The following GTF3A variants were observed in gnomAD, a reference collection of about 807,000 sequenced individuals.
GTF3A encodes general transcription factor IIIA.
A neutral mutation model predicts 37.6 loss-of-function variants in GTF3A; 40 were observed. That is an observed-to-expected ratio of 1.06 (90% CI 0.83 to 1.38). GTF3A has a LOEUF of 1.38. GTF3A is among the 40% of genes most tolerant of loss of function. The pLI is 0.00. For missense variants in GTF3A, 500 were observed against 462.6 expected (o/e 1.08, Z -0.74); for synonymous variants, 191 against 166.7 (o/e 1.15, Z -1.12).
intron 4 of GTF3A, among the ~76,000 whole-genome samples, chr13:27,430,965 G>T (rs1953652190): frequency 6.6e-6 from 1 of 152,138 alleles, no homozygotes; most frequent in African/African-American, 2.4e-5. Context: ...TGTTGCATTT[G>T]CTTTCAGGGC....
intron 1 of GTF3A, among the ~76,000 whole-genome samples, chr13:27,426,678 T>G (rs1444896857): frequency 2.0e-5 from 3 of 152,214 alleles, no homozygotes; most frequent in African/African-American, 7.2e-5. Context: ...TTGTCTGGGA[T>G]GAGACAGGCC....
chr13:27,424,691 C>T lies in GTF3A; in HGVS notation c.-47C>T, dbSNP rs1381653159. 7 of 1,309,870 alleles carry T rather than the reference C, an allele frequency of 5.3e-6. No individual in the cohort carries two copies. The highest frequency in any genetic ancestry group is 3.6e-5 in the South Asian group (2 of 56,270). 81.1% of individuals were successfully genotyped at this position (1,309,870 alleles called of 1,614,324 possible). On this transcript the variant is annotated 5_prime_UTR_variant, in exon 1 of 9. Coordinates refer to ENST00000381140, the MANE Select transcript of GTF3A (RefSeq NM_002097.3). The stretch of plus-strand genomic sequence containing the variant: ...GCGCGCCGGTTCCCGGCACGTGTCT[C>T]GGCACGTGGCAGCGCGCCTGGCCCT...
chr13:27,435,588 C>T lies in GTF3A; in HGVS notation c.1089C>T (p.Thr363=), dbSNP rs373979050. 6.2e-7 allele frequency: 1 copy of T among 1,613,624 alleles called. No homozygotes were observed. The highest frequency in any genetic ancestry group is 1.3e-5 in the African/African-American group (1 of 75,046). ...TGCTCTCGACAGTTGCAGTACTTAC[C>T]CTTGGCTAAGAACTGCACTGCTTTG... Residue 363 remains threonine, a synonymous_variant, in exon 9 of 9, where the codon ACC becomes ACT. Coordinates refer to ENST00000381140, the MANE Select transcript of GTF3A (RefSeq NM_002097.3).
In GTF3A at chr13:27,434,865, A is replaced by G. The variant is rs1274999256; in HGVS notation, c.704A>G (p.His235Arg). 6.2e-7 allele frequency: 1 copy of G among 1,613,640 alleles called. No individual in the cohort carries two copies. Among genetic ancestry groups the G allele is most frequent in the Non-Finnish European group, 8.5e-7 (1 of 1,179,516 alleles). ...AAACGCAAAGATTACCTTAAGCAAC[A>G]CATGAAAACTCATGCCCCAGAAAGG... Residue 235 changes from histidine to arginine, a missense_variant, in exon 7 of 9, where the codon CAC becomes CGC. Physicochemically the swap from His to Arg is conservative, Grantham distance 29. Coordinates refer to ENST00000381140, the MANE Select transcript of GTF3A (RefSeq NM_002097.3).
Position 27,435,523 on chromosome 13 carries a change from T to G in GTF3A, c.1024T>G (p.Cys342Gly), listed in dbSNP as rs200106325. 8.2e-5 allele frequency: 132 copies of G among 1,613,390 alleles called. 1 individual carries two copies. Among genetic ancestry groups the G allele is most frequent in the Non-Finnish European group, 1.0e-4 (121 of 1,179,520 alleles). The stretch of plus-strand genomic sequence containing the variant: ...GAAACAAGGGCAAGGCTTATCTTTG[T>G]GTCAAAACGGAGAGTCACCCAACTG... The change falls in exon 9 of 9, where the codon TGT (cysteine) becomes GGT (glycine). Residue 342 changes from cysteine (C) to glycine (G), a missense_variant. Physicochemically the swap from Cys to Gly is radical, Grantham distance 159. Coordinates refer to ENST00000381140, the MANE Select transcript of GTF3A (RefSeq NM_002097.3).
In GTF3A at chr13:27,435,795, A is replaced by G; in HGVS notation, c.*198A>G. On this transcript the variant is annotated 3_prime_UTR_variant, in exon 9 of 9. Coordinates refer to ENST00000381140, the MANE Select transcript of GTF3A (RefSeq NM_002097.3). The stretch of plus-strand genomic sequence containing the variant: ...CCTCATTTTTGCTGAAAGCACGAAG[A>G]ACACACATTAAAGCTTTTCCTCCTT... The G allele has an allele frequency of 6.2e-7, 1 of 1,614,232 alleles. No homozygotes were observed.
intron 2 of GTF3A, among the ~76,000 whole-genome samples, chr13:27,427,560 G>A (rs2138022077): frequency 6.6e-6 from 1 of 152,216 alleles, no homozygotes; most frequent in East Asian, 1.9e-4. Context: ...GAAAATGAAT[G>A]CAGATGCTCT....
chr13:27,434,508 T>C, intron 6 of GTF3A: 2 of 547,388 alleles, frequency 3.7e-6, no homozygotes, highest in Non-Finnish European at 6.4e-6. Flanking sequence ...GTACCCTGCA[T>C]ACTGGGGGAC....
intron 4 of GTF3A, among the ~76,000 whole-genome samples, chr13:27,432,400 G>A (rs1024829956): frequency 1.3e-5 from 2 of 152,188 alleles, no homozygotes; most frequent in Admixed American, 1.3e-4. Flanking sequence ...ATTCAGAATG[G>A]CTTAGGGGTT....
chr13:27,427,663 A>G (rs1461708221), intron 2 of GTF3A, among the ~76,000 whole-genome samples: 2 of 152,132 alleles, frequency 1.3e-5, no homozygotes, highest in Non-Finnish European at 2.9e-5. Flanking sequence ...TGTGTAAAAA[A>G]GCTAGGGGGT....
chr13:27,427,030 T>A, intron 1 of GTF3A, 62 bp from the exon 2 acceptor site: 1 of 870,970 alleles, frequency 1.1e-6, no homozygotes, highest in Non-Finnish European at 1.9e-6. Flanking sequence ...TTTAAGCTTT[T>A]AAATAATACC....
intron 3 of GTF3A, among the ~76,000 whole-genome samples, 160 bp downstream of exon 3, chr13:27,430,126 G>GA (rs373117287): frequency 0.063 from 8,984 of 142,094 alleles, 349 homozygotes; most frequent in Non-Finnish European, 0.085. Context: ...TGCTGTCTCT[G>GA]AAAAAAAAAA....
intron 6 of GTF3A, 195 bp from the exon 7 acceptor site, chr13:27,434,610 T>G: frequency 1.7e-6 from 1 of 581,260 alleles, no homozygotes; most frequent in Non-Finnish European, 3.0e-6. Flanking sequence ...AATGACTGTG[T>G]GGCATTTAAG....
chr13:27,425,246 T>C, intron 1 of GTF3A: 1 of 340,722 alleles, frequency 2.9e-6, no homozygotes, highest in Non-Finnish European at 5.4e-6. Context: ...ACTAGACACC[T>C]GCCAAACACT....
chr13:27,428,243 G>T (rs1250496858), intron 2 of GTF3A, among the ~76,000 whole-genome samples: 1 of 152,192 alleles, frequency 6.6e-6, no homozygotes, highest in African/African-American at 2.4e-5. Context: ...CCATAGCAAA[G>T]ATAAGGCAGC....
chr13:27,426,612 G>A (rs1453431859), intron 1 of GTF3A, among the ~76,000 whole-genome samples: 1 of 152,168 alleles, frequency 6.6e-6, no homozygotes, highest in Non-Finnish European at 1.5e-5. Context: ...GCTTTTTCAG[G>A]TGTGACACAC....
intron 5 of GTF3A, 98 bp from the exon 6 acceptor site, chr13:27,434,041 G>C (rs1178113698): frequency 2.9e-6 from 2 of 698,738 alleles, no homozygotes; most frequent in Non-Finnish European, 5.3e-6. Context: ...ATTAGGCGGG[G>C]AATGGAAAAT....
Position 27,435,464 on chromosome 13 carries a change from C to G in GTF3A, c.965C>G (p.Ala322Gly). 3 of 1,613,012 alleles carry G rather than the reference C, an allele frequency of 1.9e-6. No homozygotes were observed. The highest frequency in any genetic ancestry group is 2.5e-6 in the Non-Finnish European group (3 of 1,179,426). ...AAATCTCGTGAAAAACGGAGTTTGG[C>G]CTCTCATCTCAGTGGATATATCCCT... The change falls in exon 9 of 9, where the codon GCC (alanine) becomes GGC (glycine). Residue 322 changes from alanine to glycine, a missense_variant. Transcript: ENST00000381140.
chr13:27,429,813 C>T lies in GTF3A; in HGVS notation c.303-57C>T, dbSNP rs60239241. 9.7e-3 allele frequency: 8,627 copies of T among 887,330 alleles called. 544 individuals are homozygous for T. The African/African-American group carries it at 0.13, about 14-fold the overall frequency. The allele number at this position is 887,330 out of a possible 1,614,324, so 55.0% of individuals were successfully genotyped here. On this transcript the variant is annotated intron_variant, in intron 2 of 8. Coordinates refer to ENST00000381140, the MANE Select transcript of GTF3A (RefSeq NM_002097.3). ...CTATAAAGTAGGAAGATATATGTGT[C>T]TTAAAACTTCTTCTCCCTTGGTTTA...
Sources: allele counts gnomAD v4.1 joint callset (sites outside exome capture counted in the v4.1 genomes callset), GRCh38; gene constraint gnomAD v4.1.1; transcripts MANE v1.5; gene names NCBI Gene and HGNC (gene_info 2026-07-23, HGNC 2026-07-21).